Variants in DLGAP2 observed in about 807,000 individuals in gnomAD.
The protein encoded by DLGAP2 is DLG associated protein 2.
DLGAP2 carries 26 observed loss-of-function variants against 100.3 expected under a neutral mutation model. The observed-to-expected ratio is 0.26, with a 90% CI of 0.19 to 0.36. DLGAP2 has a LOEUF of 0.36. DLGAP2 is among the 10% of genes least tolerant of loss of function. The pLI is 1.00. For synonymous variants in DLGAP2, 886 were observed against 630.1 expected, an observed-to-expected ratio of 1.41 and a Z score of -6.08; for missense variants, 1,858 against 1,453.2, an observed-to-expected ratio of 1.28 and a Z score of -4.53.
intron 3 of DLGAP2, among the ~76,000 whole-genome samples, chr8:1,467,365 C>T (rs1416561217): frequency 6.6e-6 from 1 of 151,230 alleles, no homozygotes; most frequent in Non-Finnish European, 1.5e-5. Flanking sequence ...CCATTCACGG[C>T]CCCCCACAGC....
intron 2 of DLGAP2, among the ~76,000 whole-genome samples, chr8:936,292 A>G (rs1799069866): frequency 2.0e-5 from 3 of 152,174 alleles, no homozygotes; most frequent in Non-Finnish European, 4.4e-5. Context: ...GCTCTATTTG[A>G]AGGTGGCCAC....
chr8:859,107 T>C (rs902022979), intron 1 of DLGAP2, among the ~76,000 whole-genome samples: 5 of 139,644 alleles, frequency 3.6e-5, no homozygotes, highest in African/African-American at 1.3e-4. Flanking sequence ...AGCCCCACCT[T>C]AGTCTTCTTT....
chr8:1,020,483 C>T (rs566557001), intron 2 of DLGAP2, among the ~76,000 whole-genome samples: 37 of 152,268 alleles, frequency 2.4e-4, no homozygotes, highest in African/African-American at 8.9e-4. Context: ...TATTATCGCA[C>T]CTGATTTTGT....
rs1367028729 is a variant in DLGAP2 at position 1,613,266 on chromosome 8, A to T, written c.1443-13474A>T. On this transcript the variant is annotated intron_variant, in intron 6 of 14. Coordinates refer to ENST00000637795, the MANE Select transcript of DLGAP2 (RefSeq NM_001346810.2). ...AGGGACATGGATGAAATTGGAAATC[A>T]TCATTCTCAGTAAACTATTGCAAGA... 3.4e-5 allele frequency among the ~76,000 whole-genome samples: 5 copies of T among 146,052 alleles called. No homozygotes were observed. The South Asian group carries it at 1.2e-3, about 34-fold the overall frequency.
At chr8:826,442 C>CT (rs1304500671) in intron 1 of DLGAP2, among the ~76,000 whole-genome samples, 1 of 152,158 alleles carries the variant, frequency 6.6e-6, no homozygotes, top group Non-Finnish European at 1.5e-5. Context: ...ATTTGCTCTT[C>CT]TTTTTCAGGT....
At chr8:1,457,222 A>C (rs777182293) in intron 3 of DLGAP2, among the ~76,000 whole-genome samples, 1 of 152,050 alleles carries the variant, frequency 6.6e-6, no homozygotes, top group Non-Finnish European at 1.5e-5. Flanking sequence ...GCTTATCTAC[A>C]TTTTTACAAG....
At chr8:962,602 C>T (rs1799752660) in intron 2 of DLGAP2, among the ~76,000 whole-genome samples, 1 of 152,088 alleles carries the variant, frequency 6.6e-6, no homozygotes, top group Admixed American at 6.6e-5. Context: ...GCAGAGGCCC[C>T]CGCCCTCCGA....
chr8:1,190,103 T>C (rs75264317), intron 2 of DLGAP2, among the ~76,000 whole-genome samples: 4,931 of 152,318 alleles, frequency 0.032, 286 homozygotes, highest in African/African-American at 0.1. Context: ...CTCTGGACTC[T>C]TACTGCTAAT....
rs1047454267 is a variant in DLGAP2 at position 1,701,252 on chromosome 8, G to T, written c.3014G>T (p.Arg1005Ile). The change falls in exon 15 of 15, where the codon AGA becomes ATA. Residue 1005 changes from arginine (R) to isoleucine (I), a missense_variant. Arg to Ile is a moderately conservative substitution (Grantham distance 97). Transcript: ENST00000637795. ...KPPKGKFPIT[R>I]EKSLDLPDRQ... is the part of the protein sequence containing the mutation. Reference sequence around the variant, plus strand: ...CCCAAGGGGAAGTTTCCCATCACAAGAGAAAAATCCCTGGACCTGCCCGAC... The same window carrying T: ...CCCAAGGGGAAGTTTCCCATCACAATAGAAAAATCCCTGGACCTGCCCGAC... 2.5e-6 allele frequency: 4 copies of T among 1,581,280 alleles called. No homozygotes were observed. The highest frequency in any genetic ancestry group is 3.3e-4 in the Middle Eastern group (2 of 6,036).
At position 1,706,553 on chromosome 8, in the gene DLGAP2, A is replaced by G. The variant is rs2130903150; in HGVS notation, c.*5147A>G. The G allele has an allele frequency of 6.6e-6, 1 of 152,338 alleles. No individual in the cohort carries two copies. The highest frequency in any genetic ancestry group is 1.5e-5 in the Non-Finnish European group (1 of 68,044). 9.4% of individuals were successfully genotyped at this position (152,338 alleles called of 1,614,324 possible). A position where few individuals can be genotyped will look rare whatever the true frequency, so the allele number is the denominator to read the frequency against. On this transcript the variant is annotated 3_prime_UTR_variant, in exon 15 of 15. Coordinates refer to ENST00000637795, the MANE Select transcript of DLGAP2 (RefSeq NM_001346810.2). Reference sequence around the variant, plus strand: ...TGTCTTTGGAAAGGTTTGGAAATGCAGAAATAACTACAAGGGCCATTCTCC... The same window carrying G: ...TGTCTTTGGAAAGGTTTGGAAATGCGGAAATAACTACAAGGGCCATTCTCC...
At chr8:1,699,843 C>A (rs1373399357) in intron 14 of DLGAP2, among the ~76,000 whole-genome samples, 1 of 152,156 alleles carries the variant, frequency 6.6e-6, no homozygotes, top group Non-Finnish European at 1.5e-5. Context: ...GATTGGGGAA[C>A]CCCCACAGGA....
chr8:1,107,293 A>G (rs1287651848), intron 2 of DLGAP2, among the ~76,000 whole-genome samples: 3 of 152,122 alleles, frequency 2.0e-5, no homozygotes, highest in Admixed American at 6.5e-5. Context: ...AGTGCTTTCT[A>G]GATACTCATC....
At chr8:1,044,339 G>C (rs947871277) in intron 2 of DLGAP2, among the ~76,000 whole-genome samples, 1 of 152,222 alleles carries the variant, frequency 6.6e-6, no homozygotes, top group African/African-American at 2.4e-5. Context: ...CTGTGAATTT[G>C]TTGTGTTGCC....
chr8:1,070,493 C>T lies in DLGAP2; in HGVS notation c.73+162527C>T, dbSNP rs549736455. Among the ~76,000 whole-genome samples, 122 of 152,258 alleles carry T rather than the reference C, an allele frequency of 8.0e-4. 1 individual carries two copies. The highest frequency in any genetic ancestry group is 2.7e-3 in the African/African-American group (112 of 41,526). ...AACCCCAAAATGTGTGGTGAAAACA[C>T]GTGAAAGTCAAATCCGTGTCCTTAG... On this transcript the variant is annotated intron_variant, in intron 2 of 14. Coordinates refer to ENST00000637795, the MANE Select transcript of DLGAP2 (RefSeq NM_001346810.2).
At chr8:1,532,522 C>T (rs1286539646) in intron 4 of DLGAP2, among the ~76,000 whole-genome samples, 2 of 152,258 alleles carry the variant, frequency 1.3e-5, no homozygotes, top group East Asian at 1.9e-4. Flanking sequence ...AGGATGGAAA[C>T]ATTTTTATGG....
chr8:1,666,690 A>G (rs1383494899), intron 8 of DLGAP2, among the ~76,000 whole-genome samples: 1 of 152,108 alleles, frequency 6.6e-6, no homozygotes, highest in East Asian at 1.9e-4. Context: ...AAAAAAAAAA[A>G]AAAGTCTCCA....
At chr8:1,686,023 A>G (rs1353019576) in intron 12 of DLGAP2, among the ~76,000 whole-genome samples, 1 of 152,232 alleles carries the variant, frequency 6.6e-6, no homozygotes, top group Non-Finnish European at 1.5e-5. Context: ...AGATTTCTCA[A>G]AAACTAGAAA....
intron 2 of DLGAP2, among the ~76,000 whole-genome samples, chr8:1,145,273 C>A (rs970660643): frequency 1.3e-5 from 2 of 152,172 alleles, no homozygotes; most frequent in African/African-American, 4.8e-5. Context: ...CAACTCCCAC[C>A]CACCCACCAT....
At chr8:1,653,307 G>T (rs1332407873) in intron 8 of DLGAP2, among the ~76,000 whole-genome samples, 1 of 152,202 alleles carries the variant, frequency 6.6e-6, no homozygotes, top group African/African-American at 2.4e-5. Context: ...TGCGGGTGGG[G>T]TAGGGAGCCG....
Sources: gnomAD v4.1 joint callset for allele counts (sites outside exome capture counted in the v4.1 genomes callset) on GRCh38, gnomAD v4.1.1 for gene constraint, MANE v1.5 for transcripts, NCBI Gene and HGNC (gene_info 2026-07-23, HGNC 2026-07-21) for gene names.